The following RARB variants were observed in gnomAD, a reference collection of about 807,000 sequenced individuals.
RARB encodes the protein HBV-activated protein.
RARB carries 17 observed loss-of-function variants against 51.9 expected under a neutral mutation model. The ratio of observed to expected loss-of-function variants is 0.33; its 90% CI spans 0.22 to 0.49. RARB has a LOEUF of 0.49. Among genes scored for constraint, RARB ranks in the 20% least tolerant of loss-of-function variants. The pLI, the probability that RARB is intolerant of heterozygous loss-of-function variation, is 0.99. For missense variants in RARB, 369 were observed against 550.8 expected, an observed-to-expected ratio of 0.67 and a Z score of 3.30; for synonymous variants, 215 against 195.4, an observed-to-expected ratio of 1.10 and a Z score of -0.84.
chr3:25,392,999 C>T (rs926872823), intron 5 of RARB, among the ~76,000 whole-genome samples: 5 of 152,046 alleles, frequency 3.3e-5, no homozygotes, highest in African/African-American at 1.2e-4. Flanking sequence ...AGATTTTCCC[C>T]ATACAGTATA....
chr3:25,460,054 A>T (rs1296438848), intron 1 of RARB, among the ~76,000 whole-genome samples: 1 of 152,066 alleles, frequency 6.6e-6, no homozygotes, highest in Non-Finnish European at 1.5e-5. Flanking sequence ...AGGATGGAGG[A>T]TTATTATTTT....
chr3:25,454,748 G>A lies in RARB; in HGVS notation c.158-6445G>A, dbSNP rs901436631. 4.6e-5 allele frequency among the ~76,000 whole-genome samples: 7 copies of A among 152,158 alleles called. No homozygotes were observed. The East Asian group carries it at 5.8e-4, about 13-fold the overall frequency. On this transcript the variant is annotated intron_variant, in intron 1 of 7. Transcript: ENST00000330688. Reference sequence around the variant, plus strand: ...TATCTGCTACTTAATCTAACCTTTAGAAAAATGCCAAGCATGTAAGGAATT... The same window carrying A: ...TATCTGCTACTTAATCTAACCTTTAAAAAAATGCCAAGCATGTAAGGAATT...
In RARB at chr3:25,070,877, A is replaced by C. The variant is rs1318875977; in HGVS notation, c.-328+10701A>C. Among the ~76,000 whole-genome samples, 3 of 152,260 alleles carry C rather than the reference A, an allele frequency of 2.0e-5. No homozygotes were observed. In the East Asian group the frequency reaches 5.8e-4, roughly 29 times the overall value. ...CCAGTGTACTAGTACTGGTGTCTCTATTGCCTTGTTGTTAAATTTTAGGGA... is the reference window on the plus strand; with the variant it reads ...CCAGTGTACTAGTACTGGTGTCTCTCTTGCCTTGTTGTTAAATTTTAGGGA... On this transcript the variant is annotated intron_variant, in intron 3 of 11. Coordinates refer to the RARB transcript ENST00000383772.
intron 4 of RARB, among the ~76,000 whole-genome samples, chr3:25,166,431 A>G (rs947836102): frequency 6.6e-6 from 1 of 151,192 alleles, no homozygotes; most frequent in African/African-American, 2.4e-5. Context: ...CCTGGAACCA[A>G]TCTCTTAAAT....
At chr3:25,203,835 C>A (rs1242316167) in intron 5 of RARB, among the ~76,000 whole-genome samples, 1 of 152,176 alleles carries the variant, frequency 6.6e-6, no homozygotes, top group African/African-American at 2.4e-5. Context: ...TTGCGGGTAA[C>A]CTGACCTTTC....
chr3:25,414,951 C>T (rs2125502885), intron 5 of RARB, among the ~76,000 whole-genome samples: 1 of 152,284 alleles, frequency 6.6e-6, no homozygotes, highest in East Asian at 1.9e-4. Context: ...AAGCAATTCT[C>T]CTGACTCAGC....
At chr3:25,585,080 A>G (rs1368615595) in intron 5 of RARB, among the ~76,000 whole-genome samples, 2 of 151,994 alleles carry the variant, frequency 1.3e-5, no homozygotes. Flanking sequence ...TCTGCTGCTT[A>G]CTAGCTGTGT....
intron 3 of RARB, among the ~76,000 whole-genome samples, chr3:25,079,632 C>G (rs534626967): frequency 6.6e-6 from 1 of 151,986 alleles, no homozygotes; most frequent in African/African-American, 2.4e-5. Flanking sequence ...TTTCCATATC[C>G]GCTTAGATGA....
intron 5 of RARB, among the ~76,000 whole-genome samples, chr3:25,389,579 T>TA (rs1706890843): frequency 6.6e-6 from 1 of 152,134 alleles, no homozygotes; most frequent in African/African-American, 2.4e-5. Context: ...TCATAGTACT[T>TA]ATAAGAGTAG....
intron 2 of RARB, among the ~76,000 whole-genome samples, chr3:24,932,562 T>G (rs1425202639): frequency 6.6e-6 from 1 of 152,130 alleles, no homozygotes; most frequent in Non-Finnish European, 1.5e-5. Flanking sequence ...GGCTATATAT[T>G]GAATATTTGT....
chr3:24,834,994 C>T (rs1043386306), intron 1 of RARB, among the ~76,000 whole-genome samples: 1 of 151,978 alleles, frequency 6.6e-6, no homozygotes, highest in African/African-American at 2.4e-5. Context: ...TTCTGCTGTG[C>T]CTTTCCATTC....
intron 2 of RARB, among the ~76,000 whole-genome samples, chr3:24,942,315 C>G (rs1695683780): frequency 6.6e-6 from 1 of 152,142 alleles, no homozygotes. Flanking sequence ...ATGGCATCAT[C>G]TAGAAAGCAA....
At chr3:25,278,470 G>C (rs527647593) in intron 5 of RARB, among the ~76,000 whole-genome samples, 3 of 152,194 alleles carry the variant, frequency 2.0e-5, no homozygotes, top group African/African-American at 7.2e-5. Flanking sequence ...CTATAACAGT[G>C]GTTCTTCACT....
At chr3:25,407,061 A>G (rs922500949) in intron 5 of RARB, among the ~76,000 whole-genome samples, 2 of 152,050 alleles carry the variant, frequency 1.3e-5, no homozygotes, top group Admixed American at 6.6e-5. Context: ...ACCACCCACA[A>G]ATTTTTACAG....
chr3:25,232,202 C>T (rs1040449597), intron 5 of RARB, among the ~76,000 whole-genome samples: 1 of 152,024 alleles, frequency 6.6e-6, no homozygotes, highest in Non-Finnish European at 1.5e-5. Flanking sequence ...ATGTGTTTAT[C>T]CTTTTACCAA....
chr3:25,375,218 A>T (rs1391293889), intron 5 of RARB, among the ~76,000 whole-genome samples: 2 of 152,226 alleles, frequency 1.3e-5, no homozygotes, highest in African/African-American at 2.4e-5. Flanking sequence ...AAGGCAATAA[A>T]TACAGGACCC....
At chr3:25,472,006 C>T (rs1342267818) in intron 2 of RARB, among the ~76,000 whole-genome samples, 1 of 152,158 alleles carries the variant, frequency 6.6e-6, no homozygotes, top group Non-Finnish European at 1.5e-5. Flanking sequence ...GCCTCTCTCC[C>T]CACCCGCGTA....
At chr3:24,883,356 TTGTGTGTGTG>T (rs3057218) in intron 2 of RARB, among the ~76,000 whole-genome samples, 183 of 143,772 alleles carry the variant, frequency 1.3e-3, no homozygotes, top group African/African-American at 3.9e-3. Flanking sequence ...TCAACAATCA[TTGTGTGTGTG>T]TGTGTGTGTG....
chr3:25,240,799 G>T, intron 5 of RARB, among the ~76,000 whole-genome samples: 1 of 151,964 alleles, frequency 6.6e-6, no homozygotes, highest in Non-Finnish European at 1.5e-5. Context: ...TTTCTTTTTT[G>T]TTGTTGTGTC....
Sources: gnomAD v4.1 joint callset for allele counts (sites outside exome capture counted in the v4.1 genomes callset) on GRCh38, gnomAD v4.1.1 for gene constraint, MANE v1.5 for transcripts, NCBI Gene and HGNC (gene_info 2026-07-23, HGNC 2026-07-21) for gene names.